DCC: variants seen among roughly 807,000 people sequenced by gnomAD.
The protein encoded by DCC is netrin receptor DCC.
A neutral mutation model predicts 172.5 loss-of-function variants in DCC; 58 were observed. The observed-to-expected ratio is 0.34, with a 90% CI of 0.27 to 0.42. DCC has a LOEUF of 0.42. DCC is among the 10% of genes least tolerant of loss of function. The pLI is 1.00. For missense variants in DCC, 1,740 were observed against 1,791.0 expected (o/e 0.97, Z 0.51); for synonymous variants, 709 against 644.5 (o/e 1.10, Z -1.52).
At chr18:52,342,166 C>A (rs542783640) in intron 1 of DCC, among the ~76,000 whole-genome samples, 1 of 152,314 alleles carries the variant, frequency 6.6e-6, no homozygotes, top group East Asian at 1.9e-4. Context: ...CGAGGCTCCC[C>A]AAAGCCTCGC....
intron 15 of DCC, among the ~76,000 whole-genome samples, chr18:53,358,530 C>CTTTTTTTTTTTTTTTTT (rs35093625): frequency 1.0e-5 from 1 of 95,920 alleles, no homozygotes; most frequent in African/African-American, 4.4e-5. Context: ...TTCTCTCTCT[C>CTTTTTTTTTTTTTTTTT]TTTTTTTTTT....
At chr18:53,423,357 A>G (rs1910740099) in intron 21 of DCC, among the ~76,000 whole-genome samples, 1 of 152,100 alleles carries the variant, frequency 6.6e-6, no homozygotes, top group Non-Finnish European at 1.5e-5. Flanking sequence ...TCTTTCCAAA[A>G]CAGATGGGTC....
chr18:53,509,194 A>T (rs148000348), intron 27 of DCC, among the ~76,000 whole-genome samples: 3 of 152,360 alleles, frequency 2.0e-5, no homozygotes, highest in East Asian at 1.9e-4. Flanking sequence ...GAGGAGTAGG[A>T]AGTAAGCTAT....
chr18:53,222,979 A>G (rs899537085), intron 12 of DCC, among the ~76,000 whole-genome samples: 2 of 151,920 alleles, frequency 1.3e-5, no homozygotes, highest in African/African-American at 4.8e-5. Context: ...ATAATAATAT[A>G]TATTAAGTGA....
At chr18:52,990,358 T>C (rs974179588) in intron 5 of DCC, among the ~76,000 whole-genome samples, 1 of 151,724 alleles carries the variant, frequency 6.6e-6, no homozygotes, top group Non-Finnish European at 1.5e-5. Flanking sequence ...CTGACCAACA[T>C]GCAGAAACCC....
chr18:52,761,048 C>A (rs1322369296), intron 2 of DCC, among the ~76,000 whole-genome samples: 1 of 152,116 alleles, frequency 6.6e-6, no homozygotes, highest in Non-Finnish European at 1.5e-5. Context: ...TGTATTAGTC[C>A]ATTTTCACAC....
chr18:52,421,457 T>C (rs567164880), intron 1 of DCC, among the ~76,000 whole-genome samples: 1 of 152,226 alleles, frequency 6.6e-6, no homozygotes, highest in African/African-American at 2.4e-5. Flanking sequence ...ACAGCAGAGA[T>C]TCCCAGACTC....
intron 1 of DCC, among the ~76,000 whole-genome samples, chr18:52,445,474 A>C (rs1458352194): frequency 6.6e-6 from 1 of 152,232 alleles, no homozygotes; most frequent in African/African-American, 2.4e-5. Flanking sequence ...AAGCGACTGC[A>C]TAATTCTTTC....
At chr18:52,884,285 T>C (rs543029421) in intron 2 of DCC, among the ~76,000 whole-genome samples, 2 of 152,294 alleles carry the variant, frequency 1.3e-5, no homozygotes, top group African/African-American at 2.4e-5. Context: ...AAATAAACTT[T>C]CTGTTCCTAT....
chr18:53,161,871 A>G (rs2054845018), intron 8 of DCC, among the ~76,000 whole-genome samples: 1 of 152,210 alleles, frequency 6.6e-6, no homozygotes, highest in Non-Finnish European at 1.5e-5. Context: ...GTTTTGTTAT[A>G]AAATAATATT....
chr18:52,538,138 C>T (rs1050675461), intron 1 of DCC, among the ~76,000 whole-genome samples: 5 of 152,170 alleles, frequency 3.3e-5, no homozygotes, highest in Non-Finnish European at 5.9e-5. Context: ...CAGACCTCTA[C>T]ACCTGTATCC....
At chr18:53,269,346 G>C (rs964272705) in intron 12 of DCC, among the ~76,000 whole-genome samples, 4 of 152,082 alleles carry the variant, frequency 2.6e-5, no homozygotes, top group East Asian at 3.9e-4. Context: ...TTTCATCCTG[G>C]TGTTCTTAGT....
At chr18:53,254,889 A>G (rs1285002984) in intron 12 of DCC, among the ~76,000 whole-genome samples, 2 of 152,222 alleles carry the variant, frequency 1.3e-5, no homozygotes, top group Middle Eastern at 3.4e-3. Flanking sequence ...AAGAGAAAGC[A>G]TATAACATAT....
chr18:52,349,741 C>T (rs188437343), intron 1 of DCC, among the ~76,000 whole-genome samples: 31 of 152,236 alleles, frequency 2.0e-4, no homozygotes, highest in African/African-American at 6.5e-4. Context: ...TTCAATAATT[C>T]GAGCTATAAA....
intron 1 of DCC, among the ~76,000 whole-genome samples, chr18:52,716,392 G>T (rs914199546): frequency 2.6e-5 from 4 of 152,186 alleles, no homozygotes; most frequent in Non-Finnish European, 5.9e-5. Flanking sequence ...GGGAAGAGGA[G>T]GGCCTTTGAC....
intron 2 of DCC, among the ~76,000 whole-genome samples, chr18:52,835,852 T>G (rs1598851648): frequency 6.6e-6 from 1 of 152,338 alleles, no homozygotes; most frequent in East Asian, 1.9e-4. Flanking sequence ...TTAAAAATAT[T>G]TCAAAAAGAT....
chr18:52,680,110 C>T (rs766372), intron 1 of DCC, among the ~76,000 whole-genome samples: 21,082 of 152,116 alleles, frequency 0.14, 1,836 homozygotes, highest in Admixed American at 0.25. Context: ...AAAACATTTT[C>T]TGGGTGCCCA....
chr18:53,007,024 C>T (rs988442743), intron 5 of DCC, among the ~76,000 whole-genome samples: 1 of 152,056 alleles, frequency 6.6e-6, no homozygotes, highest in South Asian at 2.1e-4. Context: ...GATGGCGAAC[C>T]AAATCTGTAA....
chr18:53,233,977 G>A (rs776828050), intron 12 of DCC, among the ~76,000 whole-genome samples: 12 of 151,914 alleles, frequency 7.9e-5, no homozygotes, highest in East Asian at 1.9e-4. Flanking sequence ...AGGACCAGGC[G>A]CAGTGGCTCA....
Sources: allele counts gnomAD v4.1 joint callset (sites outside exome capture counted in the v4.1 genomes callset), GRCh38; gene constraint gnomAD v4.1.1; transcripts MANE v1.5; gene names NCBI Gene and HGNC (gene_info 2026-07-23, HGNC 2026-07-21).